Variants in GPD2 observed in about 807,000 individuals in gnomAD.
GPD2 encodes the protein glycerol-3-phosphate dehydrogenase, mitochondrial.
Under a neutral mutation model 82.4 loss-of-function variants are expected in GPD2, and 54 were observed. That is an observed-to-expected ratio of 0.66 (90% CI 0.53 to 0.82). GPD2 has a LOEUF of 0.82. Among genes scored for constraint, GPD2 ranks in the 40% least tolerant of loss-of-function variants. GPD2 has a pLI of 0.00. For synonymous variants in GPD2, 288 were observed against 306.1 expected, an observed-to-expected ratio of 0.94 and a Z score of 0.62; for missense variants, 748 against 896.2, an observed-to-expected ratio of 0.83 and a Z score of 2.11.
Position 156,496,132 on chromosome 2 carries a change from T to C in GPD2, c.191T>C (p.Leu64Ser), listed in dbSNP as rs1221595416. 12 of 1,613,020 alleles carry C rather than the reference T, an allele frequency of 7.4e-6. No homozygotes were observed. The highest frequency in any genetic ancestry group is 2.2e-5 in the East Asian group (1 of 44,868). ...TCCAGAGAAGCTCAGCTACTGACTT[T>C]GCAAAACACATCTGAATTTGATATC... is the stretch of plus-strand genomic sequence containing the variant. ...PPSREAQLLT[L>S]QNTSEFDILV... The change falls in exon 3 of 17, where the codon TTG becomes TCG. Residue 64 changes from leucine (L) to serine (S), a missense_variant. Leu to Ser is a moderately radical substitution (Grantham distance 145). This residue lies in a region of GPD2 where 692 missense variants were observed against 809.7 expected (regional missense o/e 0.85). Coordinates refer to ENST00000438166, the MANE Select transcript of GPD2 (RefSeq NM_000408.5).
intron 3 of GPD2, among the ~76,000 whole-genome samples, chr2:156,506,773 G>T (rs956348283): frequency 2.0e-5 from 3 of 152,060 alleles, no homozygotes; most frequent in Admixed American, 6.6e-5. Context: ...CCTGCAGTCA[G>T]ATTAATCTTT....
intron 13 of GPD2, among the ~76,000 whole-genome samples, chr2:156,576,331 G>T (rs769171577): frequency 6.6e-6 from 1 of 152,040 alleles, no homozygotes; most frequent in Non-Finnish European, 1.5e-5. Context: ...ATGACAAACC[G>T]GTTGTGGTCT....
chr2:156,557,360 GAAAT>G, intron 8 of GPD2, 25 bp from the exon 9 acceptor site: 3 of 1,421,114 alleles, frequency 2.1e-6, no homozygotes, highest in Non-Finnish European at 3.0e-6. Flanking sequence ...GGGATTTTCA[GAAAT>G]AAATAATCCT....
In GPD2 at chr2:156,553,255, T is replaced by G. The variant is rs1686833355; in HGVS notation, c.971+2509T>G. Among the ~76,000 whole-genome samples, 4 of 152,202 alleles carry G rather than the reference T, an allele frequency of 2.6e-5. No individual in the cohort carries two copies. In the South Asian group the frequency reaches 8.3e-4, roughly 32 times the overall value. On this transcript the variant is annotated intron_variant, in intron 8 of 16. Transcript: ENST00000438166. ...TGATCCTTGGATTATTTTTTCTCTG[T>G]TTTATAGAGTGCTGTATCCCCAGCT...
At chr2:156,415,612 T>C in the GPD2 span, among the ~76,000 whole-genome samples, 20 of 151,990 alleles carry the variant, frequency 1.3e-4, no homozygotes, top group African/African-American at 4.6e-4. Context: ...TCCCAGCACT[T>C]TGGGAGGCCG....
chr2:156,402,065 A>G, the GPD2 span, among the ~76,000 whole-genome samples: 7 of 152,366 alleles, frequency 4.6e-5, no homozygotes, highest in East Asian at 1.2e-3. Context: ...GGCTATGTTA[A>G]GTACACTACA....
chr2:156,554,537 T>C (rs766168014), intron 8 of GPD2, among the ~76,000 whole-genome samples: 12 of 152,230 alleles, frequency 7.9e-5, no homozygotes, highest in Non-Finnish European at 1.5e-4. Flanking sequence ...GTTGTGGAAT[T>C]ATCTTACACC....
the GPD2 span, among the ~76,000 whole-genome samples, chr2:156,418,592 C>G: frequency 6.6e-6 from 1 of 152,142 alleles, no homozygotes; most frequent in Non-Finnish European, 1.5e-5. Flanking sequence ...AAAGTTTCCC[C>G]TGGGCCCTCT....
chr2:156,478,748 A>G (rs1038977308), intron 2 of GPD2, among the ~76,000 whole-genome samples: 2 of 152,202 alleles, frequency 1.3e-5, no homozygotes, highest in Non-Finnish European at 2.9e-5. Flanking sequence ...CTTAAATGTG[A>G]CTAGGTATGC....
chr2:156,501,576 G>T (rs1684586186), intron 3 of GPD2, among the ~76,000 whole-genome samples: 1 of 152,108 alleles, frequency 6.6e-6, no homozygotes, highest in African/African-American at 2.4e-5. Context: ...AAAAGGGAGA[G>T]CCTTGGAGAT....
At chr2:156,408,167 C>A in the GPD2 span, among the ~76,000 whole-genome samples, 1 of 151,782 alleles carries the variant, frequency 6.6e-6, no homozygotes, top group Admixed American at 6.6e-5. Context: ...GTTGCCCAGG[C>A]GGGTCTTGAA....
chr2:156,546,851 G>A (rs1468883100), intron 6 of GPD2, among the ~76,000 whole-genome samples: 2 of 152,168 alleles, frequency 1.3e-5, no homozygotes, highest in Non-Finnish European at 2.9e-5. Flanking sequence ...CCAACTTACT[G>A]AAGTCTGAAA....
intron 1 of GPD2, among the ~76,000 whole-genome samples, chr2:156,451,627 T>C (rs1157447450): frequency 2.3e-5 from 3 of 131,898 alleles, no homozygotes; most frequent in African/African-American, 5.9e-5. Flanking sequence ...GCTCCTCACT[T>C]CCCAGTAGGG....
At chr2:156,544,423 C>T (rs1686447649) in intron 6 of GPD2, among the ~76,000 whole-genome samples, 1 of 152,086 alleles carries the variant, frequency 6.6e-6, no homozygotes, top group African/African-American at 2.4e-5. Flanking sequence ...TAGAGTGGGG[C>T]ACTGTGAGGA....
intron 6 of GPD2, among the ~76,000 whole-genome samples, chr2:156,519,747 G>A (rs968421761): frequency 3.3e-5 from 5 of 152,184 alleles, no homozygotes; most frequent in African/African-American, 7.2e-5. Context: ...TTACCTGGCC[G>A]GGTGCTCAAA....
intron 1 of GPD2, among the ~76,000 whole-genome samples, chr2:156,449,376 T>C (rs538724825): frequency 7.0e-4 from 107 of 152,294 alleles, no homozygotes; most frequent in African/African-American, 2.4e-3. Context: ...GTAGTCTTTC[T>C]TAATTTCTTC....
intron 6 of GPD2, 104 bp downstream of exon 6, chr2:156,513,600 T>A (rs1363925783): frequency 1.1e-6 from 1 of 896,474 alleles, no homozygotes; most frequent in Non-Finnish European, 1.8e-6. Context: ...TAAATACTAA[T>A]CTTACACAAC....
intron 1 of GPD2, among the ~76,000 whole-genome samples, chr2:156,440,228 G>T (rs1682121173): frequency 6.6e-6 from 1 of 152,204 alleles, no homozygotes; most frequent in Admixed American, 6.5e-5. Flanking sequence ...ATGCGTGAAA[G>T]AAATGTATGA....
upstream of GPD2, chr2:156,435,154 G>A (rs1395283163): frequency 6.6e-6 from 1 of 152,108 alleles, no homozygotes; most frequent in Admixed American, 6.5e-5. Flanking sequence ...GGTATTTAAG[G>A]ACATTAAATG....
Sources: gnomAD v4.1 joint callset for allele counts (sites outside exome capture counted in the v4.1 genomes callset) on GRCh38, gnomAD v4.1.1 for gene constraint, gnomAD v4.1.1 regional missense constraint, MANE v1.5 for transcripts, NCBI Gene and HGNC (gene_info 2026-07-23, HGNC 2026-07-21) for gene names.